The following AFG2A variants were observed in gnomAD, a reference collection of about 807,000 sequenced individuals.
AFG2A encodes ATPase family gene 2 protein homolog A.
At chr4:123,034,194 C>G in the AFG2A span, among the ~76,000 whole-genome samples, 10 of 152,016 alleles carry the variant, frequency 6.6e-5, no homozygotes, top group East Asian at 1.9e-3. Context: ...GGAGGGCTAA[C>G]TATGTGTCCT....
chr4:122,923,924 G>A, the AFG2A span, among the ~76,000 whole-genome samples: 1 of 152,190 alleles, frequency 6.6e-6, no homozygotes, highest in Non-Finnish European at 1.5e-5. Context: ...GAGTCCAGAT[G>A]TGTTTGACTT....
chr4:123,041,426 T>C, the AFG2A span, among the ~76,000 whole-genome samples: 1 of 148,936 alleles, frequency 6.7e-6, no homozygotes, highest in Admixed American at 6.7e-5. Context: ...CGGCCTATGA[T>C]TATTCTTTTC....
chr4:123,174,135 A>G, the AFG2A span, among the ~76,000 whole-genome samples: 1 of 152,236 alleles, frequency 6.6e-6, no homozygotes, highest in Admixed American at 6.5e-5. Context: ...GTTTCAAGCT[A>G]TATACTTTCA....
chr4:123,245,325 A>G, the AFG2A span, among the ~76,000 whole-genome samples: 1 of 152,202 alleles, frequency 6.6e-6, no homozygotes, highest in Non-Finnish European at 1.5e-5. Context: ...AAATATGTAA[A>G]TATCTAAGGA....
the AFG2A span, among the ~76,000 whole-genome samples, chr4:122,928,563 A>G: frequency 1.3e-5 from 2 of 152,036 alleles, no homozygotes; most frequent in African/African-American, 2.4e-5. Flanking sequence ...TAAGCTAGAA[A>G]TTTTCGCTCC....
chr4:123,224,663 A>G, the AFG2A span, among the ~76,000 whole-genome samples: 3 of 152,188 alleles, frequency 2.0e-5, no homozygotes, highest in African/African-American at 4.8e-5. Flanking sequence ...TAGTGCCGCA[A>G]TAAACATACG....
At chr4:122,930,723 G>A in the AFG2A span, among the ~76,000 whole-genome samples, 1 of 152,130 alleles carries the variant, frequency 6.6e-6, no homozygotes, top group Non-Finnish European at 1.5e-5. Context: ...GATTAAACTG[G>A]ATTATTCCTC....
chr4:123,240,222 G>A, the AFG2A span, among the ~76,000 whole-genome samples: 1 of 152,238 alleles, frequency 6.6e-6, no homozygotes, highest in Non-Finnish European at 1.5e-5. Context: ...TTAGATCAAC[G>A]TGACAGAAGT....
At chr4:123,082,291 G>A in the AFG2A span, among the ~76,000 whole-genome samples, 2 of 152,010 alleles carry the variant, frequency 1.3e-5, no homozygotes, top group African/African-American at 2.4e-5. Context: ...AATCTACTCC[G>A]AGTCAGTTTT....
chr4:123,158,946 T>C, the AFG2A span, among the ~76,000 whole-genome samples: 2 of 152,220 alleles, frequency 1.3e-5, no homozygotes, highest in African/African-American at 4.8e-5. Flanking sequence ...AAAATATTAA[T>C]AGCGAAAACC....
the AFG2A span, among the ~76,000 whole-genome samples, chr4:123,047,111 C>T: frequency 1.3e-5 from 2 of 151,936 alleles, no homozygotes; most frequent in East Asian, 3.9e-4. Context: ...GGTAGTAAAC[C>T]CAGTAGTGGA....
chr4:123,187,665 T>C, the AFG2A span, among the ~76,000 whole-genome samples: 1 of 152,040 alleles, frequency 6.6e-6, no homozygotes, highest in African/African-American at 2.4e-5. Flanking sequence ...TCCTTTATAC[T>C]CTAGGTTTTT....
chr4:122,954,226 C>T, the AFG2A span, among the ~76,000 whole-genome samples: 4 of 152,122 alleles, frequency 2.6e-5, no homozygotes, highest in African/African-American at 7.2e-5. Context: ...TGCCATTCCA[C>T]TCATCTTGAG....
chr4:123,204,013 G>A, the AFG2A span, among the ~76,000 whole-genome samples: 3 of 152,188 alleles, frequency 2.0e-5, no homozygotes, highest in Non-Finnish European at 4.4e-5. Context: ...CTTCAAAGGA[G>A]CAATGTTGCA....
the AFG2A span, among the ~76,000 whole-genome samples, chr4:123,296,417 A>G: frequency 6.6e-6 from 1 of 152,348 alleles, no homozygotes; most frequent in African/African-American, 2.4e-5. Context: ...TGTCACACCT[A>G]TTCTGATCCC....
chr4:123,000,716 T>C, the AFG2A span, among the ~76,000 whole-genome samples: 1 of 87,728 alleles, frequency 1.1e-5, no homozygotes, highest in African/African-American at 3.2e-5. Context: ...CAGTATTTTA[T>C]TGAGGATTTT....
the AFG2A span, among the ~76,000 whole-genome samples, chr4:123,270,009 G>A: frequency 6.6e-6 from 1 of 152,126 alleles, no homozygotes; most frequent in Non-Finnish European, 1.5e-5. Flanking sequence ...TAGAGATGTG[G>A]TTTCACCATG....
At chr4:123,236,881 C>T in the AFG2A span, among the ~76,000 whole-genome samples, 1 of 152,188 alleles carries the variant, frequency 6.6e-6, no homozygotes, top group Non-Finnish European at 1.5e-5. Flanking sequence ...GATTCCTGTG[C>T]ACATTGAGGT....
chr4:123,247,372 A>G, the AFG2A span, among the ~76,000 whole-genome samples: 1 of 152,162 alleles, frequency 6.6e-6, no homozygotes, highest in South Asian at 2.1e-4. Flanking sequence ...TAAGAGAAAA[A>G]TTATGAAAAT....
Sources: gnomAD v4.1 joint callset for allele counts (sites outside exome capture counted in the v4.1 genomes callset) on GRCh38, gnomAD v4.1.1 for gene constraint, MANE v1.5 for transcripts, NCBI Gene and HGNC (gene_info 2026-07-23, HGNC 2026-07-21) for gene names.